Variants in NR6A1 observed in about 807,000 individuals in gnomAD.
NR6A1 encodes nuclear receptor subfamily 6 group A member 1, also known as retinoic acid receptor-related testis-associated receptor.
A neutral mutation model predicts 59.1 loss-of-function variants in NR6A1; 7 were observed. That is an observed-to-expected ratio of 0.12 (90% CI 0.07 to 0.22). The LOEUF (loss-of-function observed/expected upper bound fraction) is 0.22. NR6A1 is among the 10% of genes least tolerant of loss of function. The probability of loss-of-function intolerance (pLI) is 1.00; values close to 1 mark genes in which losing one functional copy is unlikely to be tolerated. For missense variants in NR6A1, 468 were observed against 611.6 expected, an observed-to-expected ratio of 0.77 and a Z score of 2.48; for synonymous variants, 243 against 236.1, an observed-to-expected ratio of 1.03 and a Z score of -0.27.
intron 2 of NR6A1, among the ~76,000 whole-genome samples, chr9:124,644,107 G>T (rs1267804376): frequency 6.6e-6 from 1 of 151,640 alleles, no homozygotes; most frequent in Non-Finnish European, 1.5e-5. Flanking sequence ...CACTATATTG[G>T]CCAGGATGGC....
intron 1 of NR6A1, among the ~76,000 whole-genome samples, chr9:124,764,392 T>G (rs936275488): frequency 7.2e-5 from 11 of 151,858 alleles, no homozygotes; most frequent in Admixed American, 5.3e-4. Context: ...TAGAAGAAAA[T>G]AGAGAATACA....
chr9:124,675,720 T>G (rs1490838173), intron 2 of NR6A1, among the ~76,000 whole-genome samples: 2 of 152,138 alleles, frequency 1.3e-5, no homozygotes, highest in Non-Finnish European at 2.9e-5. Flanking sequence ...TCTAGAATCT[T>G]TGGTCATAAA....
At chr9:124,622,924 T>C (rs1392114689) in intron 2 of NR6A1, among the ~76,000 whole-genome samples, 1 of 152,178 alleles carries the variant, frequency 6.6e-6, no homozygotes, top group Non-Finnish European at 1.5e-5. Context: ...AAATGGTCTA[T>C]AAACCAATGG....
chr9:124,644,271 C>CTTTTTTTTTTTTTTT (rs35401605), intron 2 of NR6A1, among the ~76,000 whole-genome samples: 1 of 96,744 alleles, frequency 1.0e-5, no homozygotes, highest in Non-Finnish European at 1.9e-5. Context: ...ATTAAGTCTT[C>CTTTTTTTTTTTTTTT]TTTTTTTTTT....
intron 1 of NR6A1, among the ~76,000 whole-genome samples, chr9:124,762,306 T>G (rs1840804292): frequency 6.6e-6 from 1 of 152,212 alleles, no homozygotes; most frequent in Non-Finnish European, 1.5e-5. Context: ...TAAATTCACG[T>G]TAGTACAAAT....
intron 2 of NR6A1, among the ~76,000 whole-genome samples, chr9:124,655,708 C>T (rs1191268673): frequency 1.3e-5 from 2 of 152,186 alleles, no homozygotes; most frequent in Non-Finnish European, 2.9e-5. Context: ...CCTTCTCTAG[C>T]AAACCTGATG....
chr9:124,602,988 T>C (rs1333620283), intron 2 of NR6A1, among the ~76,000 whole-genome samples: 1 of 152,206 alleles, frequency 6.6e-6, no homozygotes, highest in Non-Finnish European at 1.5e-5. Context: ...TATTTCCTTA[T>C]AGTTTCCACT....
At chr9:124,572,015 T>G (rs1174838853) in intron 2 of NR6A1, among the ~76,000 whole-genome samples, 12 of 151,792 alleles carry the variant, frequency 7.9e-5, no homozygotes, top group Admixed American at 7.9e-4. Context: ...AAAGGTACCC[T>G]AGGAGCAAAG....
intron 2 of NR6A1, among the ~76,000 whole-genome samples, chr9:124,669,797 A>C (rs1351002327): frequency 6.6e-6 from 1 of 152,140 alleles, no homozygotes; most frequent in African/African-American, 2.4e-5. Context: ...GGGTTTCACT[A>C]TGTTGACCAG....
At chr9:124,634,238 G>GT (rs1225400276) in intron 2 of NR6A1, among the ~76,000 whole-genome samples, 1 of 152,168 alleles carries the variant, frequency 6.6e-6, no homozygotes, top group Non-Finnish European at 1.5e-5. Context: ...CAGTAGCAAA[G>GT]TTTAAGCCAA....
chr9:124,676,036 G>A (rs532118627), intron 2 of NR6A1, among the ~76,000 whole-genome samples: 131 of 152,244 alleles, frequency 8.6e-4, no homozygotes, highest in Middle Eastern at 3.4e-3. Flanking sequence ...GGGTTTTCTT[G>A]CAAAATATAA....
chr9:124,627,879 T>A (rs1836290445), intron 2 of NR6A1, among the ~76,000 whole-genome samples: 1 of 116,084 alleles, frequency 8.6e-6, no homozygotes, highest in Non-Finnish European at 1.7e-5. Flanking sequence ...GGTCTGAGAT[T>A]TTCTTTTTTT....
At chr9:124,603,929 A>C (rs1177347689) in intron 2 of NR6A1, among the ~76,000 whole-genome samples, 1 of 152,190 alleles carries the variant, frequency 6.6e-6, no homozygotes, top group African/African-American at 2.4e-5. Context: ...AAATCTGACA[A>C]GATCAGTTGC....
At chr9:124,593,848 C>T (rs1052975448) in intron 2 of NR6A1, among the ~76,000 whole-genome samples, 2 of 152,114 alleles carry the variant, frequency 1.3e-5, no homozygotes, top group African/African-American at 4.8e-5. Context: ...GCCCTTCCCC[C>T]ACCTTTCTCC....
intron 2 of NR6A1, among the ~76,000 whole-genome samples, chr9:124,570,391 C>T (rs539267600): frequency 6.6e-6 from 1 of 152,234 alleles, no homozygotes; most frequent in Non-Finnish European, 1.5e-5. Context: ...TTGGTTTACA[C>T]TAGAAGAAAA....
chr9:124,657,849 G>T (rs1837307535), intron 2 of NR6A1, among the ~76,000 whole-genome samples: 1 of 151,952 alleles, frequency 6.6e-6, no homozygotes, highest in South Asian at 2.1e-4. Context: ...AAACACTCCA[G>T]AATCTAAAAC....
At chr9:124,566,450 T>C (rs1371374860) in intron 2 of NR6A1, among the ~76,000 whole-genome samples, 1 of 152,108 alleles carries the variant, frequency 6.6e-6, no homozygotes, top group African/African-American at 2.4e-5. Context: ...GGAAATGATA[T>C]CAGCAACGGC....
intron 6 of NR6A1, 92 bp downstream of exon 6, chr9:124,538,000 A>C: frequency 9.8e-7 from 1 of 1,022,394 alleles, no homozygotes; most frequent in Non-Finnish European, 1.4e-6. Flanking sequence ...ACTCATTCTG[A>C]AGCCACGGGT....
chr9:124,715,250 T>C (rs1308914153), intron 2 of NR6A1, among the ~76,000 whole-genome samples: 1 of 151,246 alleles, frequency 6.6e-6, no homozygotes, highest in Non-Finnish European at 1.5e-5. Flanking sequence ...TGACTGGGTA[T>C]GGTGGCTCAC....
Sources: allele counts gnomAD v4.1 joint callset (sites outside exome capture counted in the v4.1 genomes callset), GRCh38; gene constraint gnomAD v4.1.1; transcripts MANE v1.5; gene names NCBI Gene and HGNC (gene_info 2026-07-23, HGNC 2026-07-21).